The following CLTCL1 variants were observed in gnomAD, a reference collection of about 807,000 sequenced individuals.
The protein encoded by CLTCL1 is clathrin heavy chain 2.
A neutral mutation model predicts 190.0 loss-of-function variants in CLTCL1; 159 were observed. The ratio of observed to expected loss-of-function variants is 0.84; its 90% CI spans 0.74 to 0.95. The LOEUF (loss-of-function observed/expected upper bound fraction) is 0.95, where lower values mean the gene tolerates loss of function less well. Ranked by LOEUF, CLTCL1 falls within the 40% of genes least tolerant of loss-of-function variation. The pLI, the probability that CLTCL1 is intolerant of heterozygous loss-of-function variation, is 0.00. For missense variants in CLTCL1, 1,878 were observed against 2,033.4 expected (o/e 0.92, Z 1.47); for synonymous variants, 752 against 769.6 (o/e 0.98, Z 0.38).
At chr22:19,258,914 G>C (rs1354080703) in intron 2 of CLTCL1, 1 of 411,684 alleles carries the variant, frequency 2.4e-6, no homozygotes, top group East Asian at 4.6e-5. Context: ...GAAAACATAG[G>C]GGAAAAGCTT....
At chr22:19,236,388 C>T (rs1249242534) in intron 5 of CLTCL1, among the ~76,000 whole-genome samples, 7 of 152,128 alleles carry the variant, frequency 4.6e-5, no homozygotes, top group Non-Finnish European at 5.9e-5. Context: ...AGACCTCAAA[C>T]GCCAAGATGA....
chr22:19,222,258 T>C (rs2085597143), intron 15 of CLTCL1, among the ~76,000 whole-genome samples, 165 bp from the exon 16 acceptor site: 1 of 152,320 alleles, frequency 6.6e-6, no homozygotes, highest in South Asian at 2.1e-4. Flanking sequence ...CCTAGTGGGA[T>C]TCTACTTGGA....
chr22:19,180,368 C>A, intron 31 of CLTCL1, 130 bp from the exon 32 acceptor site: 2 of 988,190 alleles, frequency 2.0e-6, no homozygotes, highest in Admixed American at 3.9e-5. Context: ...AAGCACCCCA[C>A]AGCCTCTCCA....
intron 3 of CLTCL1, 128 bp downstream of exon 3, chr22:19,253,831 G>A: frequency 8.9e-7 from 1 of 1,124,534 alleles, no homozygotes; most frequent in South Asian, 1.6e-5. Flanking sequence ...CTCCCAAAGT[G>A]CTGGGATTAC....
intron 1 of CLTCL1, among the ~76,000 whole-genome samples, chr22:19,282,940 C>T (rs1555987854): frequency 6.7e-6 from 1 of 150,112 alleles, no homozygotes; most frequent in Non-Finnish European, 1.5e-5. Flanking sequence ...GGCACCATCT[C>T]GGCTCATTGC....
intron 3 of CLTCL1, among the ~76,000 whole-genome samples, chr22:19,246,947 T>G (rs558260847): frequency 6.6e-6 from 1 of 152,202 alleles, no homozygotes; most frequent in Non-Finnish European, 1.5e-5. Context: ...CCAGGTTGTC[T>G]TTTCACTTTA....
chr22:19,184,291 C>G, intron 29 of CLTCL1: 3 of 351,260 alleles, frequency 8.5e-6, no homozygotes, highest in Non-Finnish European at 1.7e-5. Context: ...CCCAGGGCCA[C>G]TCCACCTGGA....
intron 22 of CLTCL1, among the ~76,000 whole-genome samples, chr22:19,202,927 G>T (rs1207849549): frequency 6.6e-6 from 1 of 152,184 alleles, no homozygotes; most frequent in Admixed American, 6.5e-5. Context: ...CCATGTCAGG[G>T]TTTCAGCAAA....
At chr22:19,291,551 C>T in intron 1 of CLTCL1, 49 bp downstream of exon 1, 2 of 1,318,924 alleles carry the variant, frequency 1.5e-6, no homozygotes, top group South Asian at 2.0e-5. Flanking sequence ...CAGTCCGGCC[C>T]GGCGGAGGCG....
chr22:19,237,308 C>T (rs1454701057), intron 5 of CLTCL1, among the ~76,000 whole-genome samples: 3 of 152,006 alleles, frequency 2.0e-5, no homozygotes, highest in Admixed American at 6.6e-5. Flanking sequence ...GACCCCATCT[C>T]TACTTTTTAA....
At chr22:19,193,807 G>T (rs1633396) in intron 26 of CLTCL1, among the ~76,000 whole-genome samples, 21 of 152,124 alleles carry the variant, frequency 1.4e-4, no homozygotes, top group Admixed American at 7.9e-4. Flanking sequence ...CCTTCTGGTG[G>T]GTTCGTGATC....
At chr22:19,181,084 G>A (rs1555925658) in intron 30 of CLTCL1, 3 of 506,042 alleles carry the variant, frequency 5.9e-6, no homozygotes, top group Admixed American at 3.3e-5. Context: ...GTTGTTACAG[G>A]CTGTGCATGT....
At position 19,183,396 on chromosome 22, in the gene CLTCL1, C is replaced by A; in HGVS notation, c.4821G>T (p.Leu1607=). The A allele has an allele frequency of 6.2e-7, 1 of 1,613,018 alleles. No homozygotes were observed. The highest frequency in any genetic ancestry group is 1.1e-5 in the South Asian group (1 of 90,984). Residue 1607 remains leucine (L), a synonymous_variant, in exon 30 of 33, where the codon CTG becomes CTT. Coordinates refer to ENST00000427926, the MANE Select transcript of CLTCL1 (RefSeq NM_007098.4). ...PYFIQVMREY[L]SKVDKLDALE... Reference sequence around the variant, plus strand: ...CAGCCGGCCCGGCACCTACCTTGCTCAGGTACTCCCTCATCACCTGGATGA... The same window carrying A: ...CAGCCGGCCCGGCACCTACCTTGCTAAGGTACTCCCTCATCACCTGGATGA...
Position 19,226,401 on chromosome 22 carries a change from C to A in CLTCL1, c.1783-18G>T. 6.2e-7 allele frequency: 1 copy of A among 1,613,538 alleles called. No homozygotes were observed. The highest frequency in any genetic ancestry group is 1.1e-5 in the South Asian group (1 of 90,974). ...TCTGCAACCTATGAAACAGGGAGTTCGGTGAGAAGCCCTGATCAATGGCAA... is the reference window on the plus strand; with the variant it reads ...TCTGCAACCTATGAAACAGGGAGTTAGGTGAGAAGCCCTGATCAATGGCAA... On this transcript the variant is annotated intron_variant, in intron 11 of 32. Coordinates refer to ENST00000427926, the MANE Select transcript of CLTCL1 (RefSeq NM_007098.4).
chr22:19,191,273 A>G (rs781992744), intron 27 of CLTCL1, 31 bp downstream of exon 27: 1 of 1,613,248 alleles, frequency 6.2e-7, no homozygotes, highest in East Asian at 2.2e-5. Flanking sequence ...AGCCCAATAC[A>G]CTCTTCTACC....
intron 2 of CLTCL1, among the ~76,000 whole-genome samples, chr22:19,265,502 T>C (rs2087092879): frequency 6.6e-6 from 1 of 152,076 alleles, no homozygotes; most frequent in African/African-American, 2.4e-5. Context: ...GATGCATATA[T>C]GCATCTTATT....
intron 27 of CLTCL1, among the ~76,000 whole-genome samples, 196 bp from the exon 28 acceptor site, chr22:19,188,287 A>G (rs577578834): frequency 3.3e-4 from 51 of 152,366 alleles, no homozygotes; most frequent in African/African-American, 1.2e-3. Flanking sequence ...GTGGATGCCA[A>G]TGTCACCACA....
chr22:19,184,694 T>C, intron 29 of CLTCL1: 1 of 406,698 alleles, frequency 2.5e-6, no homozygotes, highest in Non-Finnish European at 5.0e-6. Flanking sequence ...GTGCCTAAAG[T>C]GGGCCCTGCT....
At chr22:19,234,867 G>A (rs1310912618) in intron 6 of CLTCL1, among the ~76,000 whole-genome samples, 161 bp from the exon 7 acceptor site, 1 of 152,170 alleles carries the variant, frequency 6.6e-6, no homozygotes, top group Non-Finnish European at 1.5e-5. Context: ...CAAAGCAGCC[G>A]AAAGCCAAAT....
Sources: gnomAD v4.1 joint callset for allele counts (sites outside exome capture counted in the v4.1 genomes callset) on GRCh38, gnomAD v4.1.1 for gene constraint, MANE v1.5 for transcripts, NCBI Gene and HGNC (gene_info 2026-07-23, HGNC 2026-07-21) for gene names.